ZNF800: variants seen among roughly 807,000 people sequenced by gnomAD.
ZNF800 encodes zinc finger protein 800.
ZNF800 carries 13 observed loss-of-function variants against 59.5 expected under a neutral mutation model. The ratio of observed to expected loss-of-function variants is 0.22; its 90% CI spans 0.14 to 0.35. ZNF800 has a LOEUF of 0.35. Ranked by LOEUF, ZNF800 falls within the 10% of genes least tolerant of loss-of-function variation. The pLI is 1.00. For synonymous variants in ZNF800, 266 were observed against 265.7 expected, an observed-to-expected ratio of 1.00 and a Z score of -0.01; for missense variants, 621 against 783.7, an observed-to-expected ratio of 0.79 and a Z score of 2.48.
chr7:127,356,890 T>TGTTAAAAAAAAGTAAAA (rs1428595414), intron 1 of ZNF800, among the ~76,000 whole-genome samples: 1 of 151,912 alleles, frequency 6.6e-6, no homozygotes. Flanking sequence ...TTAGGAGTTA[T>TGTTAAAAAAAAGTAAAA]AACTCAGCCA....
At chr7:127,371,919 A>T in intron 5 of ZNF800, 105 bp from the exon 6 acceptor site, 1 of 607,858 alleles carries the variant, frequency 1.6e-6, no homozygotes, top group Non-Finnish European at 3.0e-6. Context: ...TTTCATCTCA[A>T]GTTTTCCACA....
In ZNF800 at chr7:127,375,397, C is replaced by T. The variant is rs571901304; in HGVS notation, c.302-363G>A. 1.7e-4 allele frequency among the ~76,000 whole-genome samples: 26 copies of T among 152,044 alleles called. 1 individual carries two copies. The highest frequency in any genetic ancestry group is 1.7e-3 in the South Asian group (8 of 4,818). ...GACTAGCAAAGGCAACTCAAATTCT[C>T]GTAACTCAATTGATAAAACAGCATG... On this transcript the variant is annotated intron_variant, in intron 4 of 5. Coordinates refer to ENST00000265827, the MANE Select transcript of ZNF800 (RefSeq NM_176814.5).
chr7:127,354,012 GAAAC>G (rs1800221572), intron 1 of ZNF800, among the ~76,000 whole-genome samples: 1 of 152,100 alleles, frequency 6.6e-6, no homozygotes, highest in Admixed American at 6.6e-5. Context: ...TTTAGAAAAT[GAAAC>G]AAACATTTGT....
intron 4 of ZNF800, among the ~76,000 whole-genome samples, chr7:127,376,208 A>AT (rs2117125174): frequency 6.6e-6 from 1 of 152,080 alleles, no homozygotes; most frequent in Non-Finnish European, 1.5e-5. Flanking sequence ...GCTGTATAAT[A>AT]TAACTTTAAG....
downstream of ZNF800, among the ~76,000 whole-genome samples, chr7:127,345,784 T>C (rs946184018): frequency 6.6e-6 from 1 of 152,168 alleles, no homozygotes; most frequent in Non-Finnish European, 1.5e-5. Context: ...CAAAAACGTA[T>C]TGGAGTGGTT....
At chr7:127,353,430 T>C (rs971452245) in intron 1 of ZNF800, among the ~76,000 whole-genome samples, 20 of 152,208 alleles carry the variant, frequency 1.3e-4, no homozygotes, top group African/African-American at 4.8e-4. Context: ...ACGTAAAAGC[T>C]GTGCTAAAGC....
intron 5 of ZNF800, chr7:127,372,923 T>A: frequency 3.0e-6 from 3 of 984,674 alleles, no homozygotes; most frequent in Non-Finnish European, 3.6e-6. Context: ...CTTCACAAGT[T>A]CATTCTAATA....
chr7:127,389,356 G>A (rs958866219), intron 2 of ZNF800, among the ~76,000 whole-genome samples: 2 of 152,148 alleles, frequency 1.3e-5, no homozygotes, highest in African/African-American at 2.4e-5. Context: ...TACACTGCCA[G>A]AGTTATAGTG....
Position 127,379,836 on chromosome 7 carries a change from A to ACCCCCCACCCCCCCCCCCCC in ZNF800, c.158-2508_158-2507insGGGGGGGGGGGGGTGGGGGG, listed in dbSNP as rs1800905580. 1.4e-4 allele frequency among the ~76,000 whole-genome samples: 4 copies of ACCCCCCACCCCCCCCCCCCC among 27,636 alleles called. 1 individual carries two copies. The highest frequency in any genetic ancestry group is 9.5e-4 in the Admixed American group (2 of 2,106). The allele number at this position is 27,636 out of a possible 152,430, so 18.1% of individuals were successfully genotyped here. On this transcript the variant is annotated intron_variant, in intron 3 of 5. Transcript: ENST00000265827. The stretch of plus-strand genomic sequence containing the variant: ...ACAAATGCTTCCCCTTACCCTTGCC[A>ACCCCCCACCCCCCCCCCCCC]CCCCCCCACCCCCCCACCCCCCCCA...
chr7:127,374,879 G>A lies in ZNF800; in HGVS notation c.457C>T (p.Pro153Ser). The change falls in exon 5 of 6, where the codon CCT (proline) becomes TCT (serine). Residue 153 changes from proline (P) to serine (S), a missense_variant. Pro to Ser is a moderately conservative substitution (Grantham distance 74). Around this residue, in one of 7 missense-constraint regions of ZNF800, gnomAD observed 218 missense variants for 230.8 expected, o/e 0.94. Coordinates refer to ENST00000265827, the MANE Select transcript of ZNF800 (RefSeq NM_176814.5). Reference protein sequence around the residue: ...VFQYISRTDNPIEVTESSSTP... With the variant: ...VFQYISRTDNSIEVTESSSTP... ...CTGCTTGACTCTGTGACTTCAATAG[G>A]ATTATCAGTCCTCGAAATATATTGA... 6.2e-7 allele frequency: 1 copy of A among 1,613,824 alleles called. No homozygotes were observed. The highest frequency in any genetic ancestry group is 1.1e-5 in the South Asian group (1 of 91,052).
downstream of ZNF800, among the ~76,000 whole-genome samples, chr7:127,369,759 T>C (rs58475352): frequency 6.1e-3 from 930 of 152,166 alleles, 10 homozygotes; most frequent in African/African-American, 0.021. Flanking sequence ...AGAATTACTA[T>C]GGAGGAGACA....
intron 3 of ZNF800, among the ~76,000 whole-genome samples, chr7:127,378,635 G>A (rs1800859635): frequency 6.6e-6 from 1 of 151,804 alleles, no homozygotes; most frequent in African/African-American, 2.4e-5. Flanking sequence ...TCAATATTTT[G>A]CAATCTGTTT....
chr7:127,384,999 A>G (rs1210459248), intron 3 of ZNF800, among the ~76,000 whole-genome samples: 3 of 152,226 alleles, frequency 2.0e-5, no homozygotes, highest in Non-Finnish European at 4.4e-5. Flanking sequence ...ACAGATGAAA[A>G]GTCTAAGAAA....
At chr7:127,353,050 T>A (rs943428558) in intron 1 of ZNF800, among the ~76,000 whole-genome samples, 1 of 152,098 alleles carries the variant, frequency 6.6e-6, no homozygotes, top group African/African-American at 2.4e-5. Flanking sequence ...TTCCCCCCAA[T>A]GGCACCGATA....
At chr7:127,375,629 GAC>G (rs1264820520) in intron 4 of ZNF800, among the ~76,000 whole-genome samples, 2 of 151,962 alleles carry the variant, frequency 1.3e-5, no homozygotes, top group Non-Finnish European at 2.9e-5. Flanking sequence ...TTCTTAACAT[GAC>G]ACAATTTTAC....
intron 1 of ZNF800, chr7:127,359,844 A>C (rs1213046337): frequency 6.6e-6 from 1 of 152,152 alleles, no homozygotes; most frequent in Non-Finnish European, 1.5e-5. Flanking sequence ...AAACTATTTT[A>C]GACTGGATCT....
chr7:127,359,573 A>G (rs1383209634), intron 1 of ZNF800, among the ~76,000 whole-genome samples: 1 of 152,144 alleles, frequency 6.6e-6, no homozygotes, highest in East Asian at 1.9e-4. Flanking sequence ...TCCTAACAAT[A>G]TCATAATGAA....
chr7:127,390,759 G>A (rs1196232476), intron 2 of ZNF800, among the ~76,000 whole-genome samples: 1 of 152,120 alleles, frequency 6.6e-6, no homozygotes, highest in African/African-American at 2.4e-5. Context: ...TTTAATGATT[G>A]TCACAAAGCA....
chr7:127,363,825 C>A (rs568150676), intron 1 of ZNF800: 1 of 152,034 alleles, frequency 6.6e-6, no homozygotes, highest in South Asian at 2.1e-4. Flanking sequence ...AAAGAATAAT[C>A]TATTCTTGGA....
Sources: gnomAD v4.1 joint callset for allele counts (sites outside exome capture counted in the v4.1 genomes callset) on GRCh38, gnomAD v4.1.1 for gene constraint, gnomAD v4.1.1 regional missense constraint, MANE v1.5 for transcripts, NCBI Gene and HGNC (gene_info 2026-07-23, HGNC 2026-07-21) for gene names.